VPS26C: variants seen among roughly 807,000 people sequenced by gnomAD.
VPS26C encodes the protein VPS26 endosomal protein sorting factor C.
VPS26C carries 19 observed loss-of-function variants against 30.6 expected under a neutral mutation model. The ratio of observed to expected loss-of-function variants is 0.62; its 90% CI spans 0.43 to 0.91. The LOEUF is 0.91. Among genes scored for constraint, VPS26C ranks in the 40% least tolerant of loss-of-function variants. The pLI, the probability that VPS26C is intolerant of heterozygous loss-of-function variation, is 0.00. For missense variants in VPS26C, 318 were observed against 385.1 expected, an observed-to-expected ratio of 0.83 and a Z score of 1.46; for synonymous variants, 132 against 151.5, an observed-to-expected ratio of 0.87 and a Z score of 0.95.
intron 7 of VPS26C, 62 bp from the exon 8 acceptor site, chr21:37,225,688 G>A (rs759832087): frequency 2.8e-5 from 38 of 1,368,800 alleles, no homozygotes; most frequent in Non-Finnish European, 3.7e-5. Context: ...ACCACACGCC[G>A]CCACCACTGC....
chr21:37,224,997 G>C lies in VPS26C; in HGVS notation c.*547C>G. Reference sequence around the variant, plus strand: ...TCAGAAACAAAACCAAAAAACTACAGAATAGAGTAGGGGTGGAGGGAAGTC... The same window carrying C: ...TCAGAAACAAAACCAAAAAACTACACAATAGAGTAGGGGTGGAGGGAAGTC... On this transcript the variant is annotated 3_prime_UTR_variant, in exon 8 of 8. Coordinates refer to ENST00000309117, the MANE Select transcript of VPS26C (RefSeq NM_006052.2). The C allele has an allele frequency of 6.5e-6, 1 of 154,270 alleles. No individual in the cohort carries two copies. The highest frequency in any genetic ancestry group is 1.4e-5 in the Non-Finnish European group (1 of 69,192). 9.6% of individuals were successfully genotyped at this position (154,270 alleles called of 1,614,324 possible).
At chr21:37,232,243 A>G (rs2085972176) in intron 5 of VPS26C, 134 bp downstream of exon 5, 3 of 729,888 alleles carry the variant, frequency 4.1e-6, no homozygotes, top group South Asian at 3.3e-5. Flanking sequence ...ATACTGAGTA[A>G]TTTGGGTACA....
intron 1 of VPS26C, among the ~76,000 whole-genome samples, chr21:37,244,586 A>T: frequency 6.6e-6 from 1 of 152,110 alleles, no homozygotes; most frequent in Non-Finnish European, 1.5e-5. Flanking sequence ...TCTTTTTCTT[A>T]TTTGTTCTCT....
At chr21:37,243,838 G>A (rs1414300756) in intron 1 of VPS26C, among the ~76,000 whole-genome samples, 2 of 152,140 alleles carry the variant, frequency 1.3e-5, no homozygotes, top group Non-Finnish European at 2.9e-5. Context: ...ACCCCACTCC[G>A]TGTCCCCCTT....
intron 1 of VPS26C, among the ~76,000 whole-genome samples, chr21:37,243,409 G>A (rs979166073): frequency 6.6e-6 from 1 of 152,088 alleles, no homozygotes; most frequent in Non-Finnish European, 1.5e-5. Context: ...TGGAGGAGGC[G>A]CCTGGCCTGG....
upstream of VPS26C, chr21:37,267,382 C>T (rs1013967279): frequency 1.8e-5 from 22 of 1,210,436 alleles, no homozygotes; most frequent in Non-Finnish European, 2.3e-5. Flanking sequence ...CTGGGCCCCG[C>T]CCCTTTCCCT....
At chr21:37,239,470 T>C (rs575431404) in intron 2 of VPS26C, among the ~76,000 whole-genome samples, 1 of 152,364 alleles carries the variant, frequency 6.6e-6, no homozygotes, top group Admixed American at 6.5e-5. Flanking sequence ...AAAACAACAG[T>C]TACTTGCTCT....
intron 1 of VPS26C, among the ~76,000 whole-genome samples, chr21:37,245,551 C>T (rs915695250): frequency 6.6e-6 from 1 of 152,204 alleles, no homozygotes; most frequent in Non-Finnish European, 1.5e-5. Flanking sequence ...CCCTCCCTGA[C>T]TGACTGCGCT....
Position 37,240,583 on chromosome 21 carries a change from T to C in VPS26C, c.114A>G (p.Gly38=). The change falls in exon 2 of 8, where the codon GGA becomes GGG. Residue 38 remains glycine (G), a synonymous_variant. Transcript: ENST00000309117. The stretch of plus-strand genomic sequence containing the variant: ...CAGTTCCTTCCATGGTCAAAGACAC[T>C]CCCTGGTGTTGGACTGAATCCTTAC... ...ISSKDSVQHQ[G]VSLTMEGTVN... 2 of 1,614,204 alleles carry C rather than the reference T, an allele frequency of 1.2e-6. No homozygotes were observed. The highest frequency in any genetic ancestry group is 1.7e-6 in the Non-Finnish European group (2 of 1,180,028).
chr21:37,255,922 G>A (rs2086238751), intron 1 of VPS26C, among the ~76,000 whole-genome samples: 1 of 128,356 alleles, frequency 7.8e-6, no homozygotes, highest in African/African-American at 3.1e-5. Context: ...TATAACCTCC[G>A]CCTCCCAGGT....
At chr21:37,230,358 TAAAC>T (rs2085948533) in intron 5 of VPS26C, among the ~76,000 whole-genome samples, 3 of 152,204 alleles carry the variant, frequency 2.0e-5, no homozygotes, top group Non-Finnish European at 2.9e-5. Context: ...ACAAATAAAA[TAAAC>T]CTATACTATT....
intron 1 of VPS26C, among the ~76,000 whole-genome samples, chr21:37,258,429 G>A (rs1490707525): frequency 1.3e-5 from 2 of 152,182 alleles, no homozygotes; most frequent in Admixed American, 1.3e-4. Context: ...GCATGCGCCG[G>A]GCATTCCCAG....
chr21:37,240,219 C>T (rs1402960236), intron 2 of VPS26C, among the ~76,000 whole-genome samples: 3 of 151,882 alleles, frequency 2.0e-5, no homozygotes, highest in South Asian at 2.1e-4. Flanking sequence ...AATTCCTGGG[C>T]TCAAGGGATC....
At chr21:37,227,925 T>C (rs2073356) in intron 6 of VPS26C, 119 bp from the exon 7 acceptor site, 473,637 of 1,341,392 alleles carry the variant, frequency 0.35, 87,848 homozygotes, top group South Asian at 0.56. Flanking sequence ...TCCCCTCACT[T>C]TCCTTAGACA....
intron 1 of VPS26C, among the ~76,000 whole-genome samples, chr21:37,251,781 C>T (rs2086196184): frequency 6.6e-6 from 1 of 152,112 alleles, no homozygotes; most frequent in Admixed American, 6.5e-5. Flanking sequence ...AGTTCTAAGC[C>T]TCTTAAATTT....
chr21:37,227,840 C>G (rs1225413994), intron 6 of VPS26C, 34 bp from the exon 7 acceptor site: 16 of 1,497,386 alleles, frequency 1.1e-5, no homozygotes, highest in Non-Finnish European at 1.4e-5. Flanking sequence ...GCGGTCAGGG[C>G]CAGCAGAGGC....
intron 7 of VPS26C, chr21:37,225,940 A>G: frequency 2.7e-6 from 1 of 373,184 alleles, no homozygotes; most frequent in South Asian, 4.6e-5. Flanking sequence ...ATATTCTAGA[A>G]CCCTTTCAAT....
At chr21:37,232,599 A>C in intron 4 of VPS26C, 148 bp from the exon 5 acceptor site, 1 of 655,868 alleles carries the variant, frequency 1.5e-6, no homozygotes, top group Non-Finnish European at 2.7e-6. Context: ...GGTCCTGAAC[A>C]CAGTTCTGTC....
chr21:37,247,404 AAAT>A, intron 1 of VPS26C, among the ~76,000 whole-genome samples: 1 of 152,368 alleles, frequency 6.6e-6, no homozygotes, highest in South Asian at 2.1e-4. Flanking sequence ...GGAAATTAAT[AAAT>A]AATGTCTAAA....
Sources: allele counts gnomAD v4.1 joint callset (sites outside exome capture counted in the v4.1 genomes callset), GRCh38; gene constraint gnomAD v4.1.1; transcripts MANE v1.5; gene names NCBI Gene and HGNC (gene_info 2026-07-23, HGNC 2026-07-21).